The following CSNK1G1 variants were observed in gnomAD, a reference collection of about 807,000 sequenced individuals.
CSNK1G1 encodes the protein casein kinase I isoform gamma-1.
A neutral mutation model predicts 59.6 loss-of-function variants in CSNK1G1; 22 were observed. The observed-to-expected ratio is 0.37, with a 90% confidence interval of 0.26 to 0.53. The LOEUF (loss-of-function observed/expected upper bound fraction) is 0.53, where lower values mean the gene tolerates loss of function less well. Ranked by LOEUF, CSNK1G1 falls within the 20% of genes least tolerant of loss-of-function variation. The pLI, the probability that CSNK1G1 is intolerant of heterozygous loss-of-function variation, is 0.89. For synonymous variants in CSNK1G1, 179 were observed against 177.1 expected, an observed-to-expected ratio of 1.01 and a Z score of -0.08; for missense variants, 384 against 519.5, an observed-to-expected ratio of 0.74 and a Z score of 2.54.
At chr15:64,205,992 T>C (rs2082173406) in intron 7 of CSNK1G1, among the ~76,000 whole-genome samples, 1 of 152,136 alleles carries the variant, frequency 6.6e-6, no homozygotes, top group African/African-American at 2.4e-5. Context: ...TATTAATATG[T>C]TGAAATAAAT....
chr15:64,258,231 A>G (rs1264677863), intron 3 of CSNK1G1, among the ~76,000 whole-genome samples: 1 of 152,012 alleles, frequency 6.6e-6, no homozygotes, highest in African/African-American at 2.4e-5. Context: ...ATACAAAATT[A>G]GCCAGGTGTG....
intron 10 of CSNK1G1, among the ~76,000 whole-genome samples, chr15:64,182,167 G>A (rs989276272): frequency 1.4e-5 from 2 of 147,924 alleles, no homozygotes; most frequent in African/African-American, 2.5e-5. Flanking sequence ...AGGTTCAAGC[G>A]GTTCTCCTGC....
intron 1 of CSNK1G1, among the ~76,000 whole-genome samples, chr15:64,353,825 C>T (rs1434758318): frequency 6.6e-6 from 1 of 151,912 alleles, no homozygotes; most frequent in Non-Finnish European, 1.5e-5. Flanking sequence ...CAGAGAAAGA[C>T]CTTGTCACTA....
chr15:64,286,360 G>T (rs796143654), intron 2 of CSNK1G1, among the ~76,000 whole-genome samples: 123 of 137,760 alleles, frequency 8.9e-4, no homozygotes, highest in African/African-American at 2.7e-3. Flanking sequence ...TTGTTAACAT[G>T]TTATTGTTAA....
At chr15:64,270,823 C>T (rs183202446) in intron 2 of CSNK1G1, among the ~76,000 whole-genome samples, 39 of 151,068 alleles carry the variant, frequency 2.6e-4, no homozygotes, top group African/African-American at 8.5e-4. Flanking sequence ...TATCTTCGTT[C>T]TCATTAATTT....
chr15:64,238,318 A>G (rs1297774707), intron 4 of CSNK1G1, among the ~76,000 whole-genome samples: 2 of 151,022 alleles, frequency 1.3e-5, no homozygotes, highest in Admixed American at 1.3e-4. Context: ...GCAAGATCCC[A>G]TCTCTATAAA....
At chr15:64,238,170 C>T (rs2082640507) in intron 4 of CSNK1G1, among the ~76,000 whole-genome samples, 1 of 151,964 alleles carries the variant, frequency 6.6e-6, no homozygotes, top group Non-Finnish European at 1.5e-5. Context: ...CAGTTAAAAG[C>T]TTTTATGACT....
At chr15:64,337,136 G>C (rs746120396) in intron 1 of CSNK1G1, among the ~76,000 whole-genome samples, 36 of 152,126 alleles carry the variant, frequency 2.4e-4, no homozygotes, top group Non-Finnish European at 4.9e-4. Context: ...GCTGAGGCAG[G>C]AGAATCGCTT....
At chr15:64,355,767 A>G (rs1898627904) in intron 1 of CSNK1G1, among the ~76,000 whole-genome samples, 1 of 151,400 alleles carries the variant, frequency 6.6e-6, no homozygotes, top group Non-Finnish European at 1.5e-5. Context: ...TCCTCCGCCT[A>G]CCTCTACCCC....
chr15:64,274,320 T>C lies in CSNK1G1; in HGVS notation c.182-15079A>G, dbSNP rs377141588. ...ATCACTCAGCCACTATCCTAAATAATACACAGTACTCAAAAATTTTGCTCC... is the reference window on the plus strand; with the variant it reads ...ATCACTCAGCCACTATCCTAAATAACACACAGTACTCAAAAATTTTGCTCC... On this transcript the variant is annotated intron_variant, in intron 2 of 11. Coordinates refer to ENST00000303052, the MANE Select transcript of CSNK1G1 (RefSeq NM_022048.5). Among the ~76,000 whole-genome samples the C allele has an allele frequency of 8.5e-5, 13 of 152,280 alleles. No homozygotes were observed. The South Asian group carries it at 1.5e-3, about 17-fold the overall frequency.
In CSNK1G1 at chr15:64,167,714, G is replaced by C. The variant is rs2081618327; in HGVS notation, c.*4217C>G. 1 of 152,706 alleles carries C rather than the reference G, an allele frequency of 6.5e-6. No homozygotes were observed. The highest frequency in any genetic ancestry group is 6.5e-5 in the Admixed American group (1 of 15,290). 9.5% of individuals were successfully genotyped at this position (152,706 alleles called of 1,614,324 possible). ...TAGGGCAACTCAATGGGAATGGAGA[G>C]CTGGTTTAAATGTGAAATGGAAGAG... On this transcript the variant is annotated 3_prime_UTR_variant, in exon 12 of 12. Transcript: ENST00000303052.
chr15:64,346,480 A>T (rs2140485450), intron 1 of CSNK1G1, among the ~76,000 whole-genome samples: 1 of 150,720 alleles, frequency 6.6e-6, no homozygotes, highest in South Asian at 2.1e-4. Context: ...ATTTTGAGAC[A>T]TAGGTTTGCT....
Position 64,236,511 on chromosome 15 carries a change from G to A in CSNK1G1, c.292+15001C>T, listed in dbSNP as rs151025816. Among the ~76,000 whole-genome samples, 957 of 152,250 alleles carry A rather than the reference G, an allele frequency of 6.3e-3. 2 individuals are homozygous for A. The highest frequency in any genetic ancestry group is 0.01 in the South Asian group (50 of 4,826). On this transcript the variant is annotated intron_variant, in intron 4 of 11. Transcript: ENST00000303052. ...CATTAATAGACATTTTTCAAAAGAA[G>A]ACACACATGGCCAAGAGGTTATTAA...
chr15:64,280,772 C>T (rs573328576), intron 2 of CSNK1G1, among the ~76,000 whole-genome samples: 11 of 152,258 alleles, frequency 7.2e-5, no homozygotes, highest in African/African-American at 2.6e-4. Context: ...GTTCCATTTA[C>T]AATAGCCCAA....
intron 2 of CSNK1G1, among the ~76,000 whole-genome samples, chr15:64,278,700 A>C (rs1284542362): frequency 6.6e-6 from 1 of 152,188 alleles, no homozygotes; most frequent in African/African-American, 2.4e-5. Context: ...TGCTGGGATT[A>C]CAGGCATGAG....
Position 64,302,489 on chromosome 15 carries a change from T to C in CSNK1G1, c.-224-1766A>G, listed in dbSNP as rs566503830. ...AGATTTACATTTATAATGTATATTCTGTAAAGGAAAAAAAAATCAAAGCGA... is the reference window on the plus strand; with the variant it reads ...AGATTTACATTTATAATGTATATTCCGTAAAGGAAAAAAAAATCAAAGCGA... On this transcript the variant is annotated intron_variant, in intron 1 of 11. Coordinates refer to ENST00000303052, the MANE Select transcript of CSNK1G1 (RefSeq NM_022048.5). 2.0e-5 allele frequency among the ~76,000 whole-genome samples: 3 copies of C among 152,216 alleles called. No homozygotes were observed. The East Asian group carries it at 5.8e-4, about 29-fold the overall frequency.
intron 9 of CSNK1G1, 29 bp from the exon 10 acceptor site, chr15:64,203,218 G>C: frequency 6.9e-7 from 1 of 1,444,284 alleles, no homozygotes; most frequent in Non-Finnish European, 9.7e-7. Context: ...AAGTCAAATG[G>C]GGGAAACAGG....
rs148109209 is a variant in CSNK1G1, at chr15:64,228,290, T to C, written c.293-11577A>G. 6.9e-3 allele frequency among the ~76,000 whole-genome samples: 1,057 copies of C among 152,324 alleles called. 17 individuals are homozygous for C. The highest frequency in any genetic ancestry group is 0.024 in the African/African-American group (1,013 of 41,570). ...CAGACAGATATAGCATGGATATCTA[T>C]ATTACCCATTTTTAGACAACCAAAC... On this transcript the variant is annotated intron_variant, in intron 4 of 11. Coordinates refer to ENST00000303052, the MANE Select transcript of CSNK1G1 (RefSeq NM_022048.5).
At chr15:64,190,239 T>C (rs1184554697) in intron 10 of CSNK1G1, among the ~76,000 whole-genome samples, 1 of 152,222 alleles carries the variant, frequency 6.6e-6, no homozygotes. Flanking sequence ...AGAAGGCAGC[T>C]GTATGGACTT....
Sources: allele counts gnomAD v4.1 joint callset (sites outside exome capture counted in the v4.1 genomes callset), GRCh38; gene constraint gnomAD v4.1.1; transcripts MANE v1.5; gene names NCBI Gene and HGNC (gene_info 2026-07-23, HGNC 2026-07-21).